FLII: variants seen among roughly 807,000 people sequenced by gnomAD.
FLII encodes the protein FLII actin remodeling protein.
A neutral mutation model predicts 156.2 loss-of-function variants in FLII; 101 were observed. The ratio of observed to expected loss-of-function variants is 0.65; its 90% CI spans 0.55 to 0.76. FLII has a LOEUF of 0.76. FLII is among the 30% of genes least tolerant of loss of function. The pLI is 0.00. For missense variants in FLII, 1,675 were observed against 1,682.8 expected (o/e 1.00, Z 0.08); for synonymous variants, 767 against 685.8 (o/e 1.12, Z -1.85).
In FLII at chr17:18,248,530, G is replaced by T; in HGVS notation, c.2190+20C>A. 1 of 1,582,920 alleles carries T rather than the reference G, an allele frequency of 6.3e-7. No homozygotes were observed. Among genetic ancestry groups the T allele is most frequent in the Non-Finnish European group, 8.6e-7 (1 of 1,162,048 alleles). ...GGGTGAACTTGGGAGGCCAAGGTGG[G>T]CCTCAGCAGCAGGGCTCACCTTGTA... On this transcript the variant is annotated intron_variant, in intron 18 of 29. Transcript: ENST00000327031.
rs2048496871 is a variant in FLII at position 18,258,488 on chromosome 17, G to A, written c.63+140C>T. On this transcript the variant is annotated intron_variant, in intron 1 of 29. Transcript: ENST00000327031. This position sits in a 1 kb window ranked among gnomAD's most constrained non-coding sequence, Gnocchi z 4.2. The stretch of plus-strand genomic sequence containing the variant: ...CCTCGGAGGTCCATTCCTGGCCAGG[G>A]GAGAGCCCCACCCCGCCCCGGCCGC... 6.6e-7 allele frequency: 1 copy of A among 1,506,504 alleles called. No individual in the cohort carries two copies. Among genetic ancestry groups the A allele is most frequent in the Non-Finnish European group, 8.8e-7 (1 of 1,134,154 alleles). The allele number at this position is 1,506,504 out of a possible 1,614,324, so 93.3% of individuals were successfully genotyped here.
rs770086887 is a variant in FLII at position 18,249,174 on chromosome 17, G to T, written c.1887C>A (p.Asn629Lys). Reference protein sequence around the residue: ...TRMYRVYGKKNIKLEPVPLKG... With the variant: ...TRMYRVYGKKKIKLEPVPLKG... Reference sequence around the variant, plus strand: ...TGAGGGGCACAGGCTCCAACTTGATGTTCTTTTTCCCATACACACGATACA... The same window carrying T: ...TGAGGGGCACAGGCTCCAACTTGATTTTCTTTTTCCCATACACACGATACA... The change falls in exon 16 of 30, where the codon AAC (asparagine) becomes AAA (lysine). Residue 629 changes from asparagine (N) to lysine (K), a missense_variant. By Grantham distance (94) the Asn-to-Lys change is moderately conservative. This residue lies in a region of FLII where 1,332 missense variants were observed against 1,269.3 expected (regional missense o/e 1.05). Transcript: ENST00000327031. 1 of 1,614,198 alleles carries T rather than the reference G, an allele frequency of 6.2e-7. No individual in the cohort carries two copies. Among genetic ancestry groups the T allele is most frequent in the Non-Finnish European group, 8.5e-7 (1 of 1,180,038 alleles).
At chr17:18,246,092 G>A (rs374964844) in intron 25 of FLII, 30 bp from the exon 26 acceptor site, 118 of 1,614,052 alleles carry the variant, frequency 7.3e-5, no homozygotes, top group Admixed American at 7.0e-4. Flanking sequence ...GGGGGTGTTC[G>A]CAGCTGACTC....
chr17:18,257,012 T>TCATCCCTG lies in FLII; in HGVS notation c.70_71insCAGGGATG (p.Tyr24SerfsTer12), dbSNP rs1208685311. 1 of 1,603,434 alleles carries TCATCCCTG rather than the reference T, an allele frequency of 6.2e-7. No homozygotes were observed. The highest frequency in any genetic ancestry group is 8.5e-7 in the Non-Finnish European group (1 of 1,174,464). ...CATGGCCTTGACATTCTCAGGGAAG[T>TCATCCCTG]AGCCGCCCTGGGGGAAGGATGTCAA... On this transcript the variant is annotated frameshift_variant, in exon 2 of 30. Transcript: ENST00000327031. LOFTEE classifies it high-confidence loss of function.
At position 18,256,889 on chromosome 17, in the gene FLII, G is replaced by A. The variant is rs1160111760; in HGVS notation, c.174+20C>T. ...GGCTCATCCACAGGGACCCTCCCCT[G>A]CCCGCCCAAACCCCCTTACCAGCTT... is the stretch of plus-strand genomic sequence containing the variant. On this transcript the variant is annotated intron_variant, in intron 2 of 29. Transcript: ENST00000327031. 1.9e-6 allele frequency: 3 copies of A among 1,544,726 alleles called. No individual in the cohort carries two copies. Among genetic ancestry groups the A allele is most frequent in the African/African-American group, 1.4e-5 (1 of 73,594 alleles).
In FLII at chr17:18,258,637, G is replaced by A; in HGVS notation, c.54C>T (p.Asn18=). The change falls in exon 1 of 30, where the codon AAC becomes AAT. Residue 18 remains asparagine, a synonymous_variant. Transcript: ENST00000327031. The surrounding 1 kb of genome is among the most constrained non-coding windows in gnomAD (Gnocchi z 4.2). ...PFVRGVDLSG[N]DFKGGYFPEN... The stretch of plus-strand genomic sequence containing the variant: ...GCCCGGCCCGGCTCACCTTGAAGTC[G>A]TTGCCGCTGAGGTCCACGCCACGCA... The A allele has an allele frequency of 6.4e-7, 1 of 1,559,612 alleles. No individual in the cohort carries two copies. The highest frequency in any genetic ancestry group is 8.6e-7 in the Non-Finnish European group (1 of 1,162,740).
At chr17:18,257,573 G>A (rs766282323) in intron 1 of FLII, among the ~76,000 whole-genome samples, 4 of 152,240 alleles carry the variant, frequency 2.6e-5, no homozygotes, top group Non-Finnish European at 5.9e-5. Context: ...GTGGCACCAA[G>A]TCTGGGGCAG....
At position 18,247,094 on chromosome 17, in the gene FLII, G is replaced by A. The variant is rs758829556; in HGVS notation, c.2677-42C>T. 11 of 1,595,006 alleles carry A rather than the reference G, an allele frequency of 6.9e-6. No individual in the cohort carries two copies. The South Asian group carries it at 1.1e-4, about 16-fold the overall frequency. ...CCCGCCCCGCGGCAGGTCTGAGCGC[G>A]CTCTGCGCATAGGCCCCGCCCTCGG... On this transcript the variant is annotated intron_variant, in intron 21 of 29. Coordinates refer to ENST00000327031, the MANE Select transcript of FLII (RefSeq NM_002018.4).
chr17:18,253,477 G>A lies in FLII; in HGVS notation c.856-19C>T, dbSNP rs1164038380. ...TGGCTGACTGGAGGGGGAACGGGCA[G>A]GGGTGGGAGGTCAGGGCCAGGCTCA... On this transcript the variant is annotated intron_variant, in intron 8 of 29. Transcript: ENST00000327031. The A allele has an allele frequency of 6.2e-7, 1 of 1,613,790 alleles. No homozygotes were observed. Among genetic ancestry groups the A allele is most frequent in the Admixed American group, 1.7e-5 (1 of 60,028 alleles).
intron 20 of FLII, 138 bp downstream of exon 20, chr17:18,247,519 G>A: frequency 1.9e-6 from 2 of 1,045,886 alleles, no homozygotes; most frequent in South Asian, 1.6e-5. Flanking sequence ...CTTGCAGAGG[G>A]GGCGGGGCCT....
intron 3 of FLII, 108 bp from the exon 4 acceptor site, chr17:18,255,371 G>C (rs1286611518): frequency 2.4e-6 from 2 of 822,102 alleles, no homozygotes; most frequent in Non-Finnish European, 4.0e-6. Context: ...CCAGGCCTGA[G>C]GACTCTCTCA....
Position 18,246,661 on chromosome 17 carries a change from A to AT in FLII, c.2983dup (p.Met995AsnfsTer99). 3.1e-6 allele frequency: 5 copies of AT among 1,613,870 alleles called. No homozygotes were observed. Among genetic ancestry groups the AT allele is most frequent in the Non-Finnish European group, 4.2e-6 (5 of 1,179,896 alleles). ...GCTGAAGGTGAAGGTGAGCCAGCCCATATTGGAGGCTTCACGGCCCTGCCA... is the reference window on the plus strand; with the variant it reads ...GCTGAAGGTGAAGGTGAGCCAGCCCATTATTGGAGGCTTCACGGCCCTGCCA... On this transcript the variant is annotated frameshift_variant, in exon 23 of 30. Transcript: ENST00000327031. LOFTEE classifies it high-confidence loss of function.
In FLII at chr17:18,246,318, G is replaced by A. The variant is rs142476596; in HGVS notation, c.3196C>T (p.Leu1066Phe). 5 of 1,613,762 alleles carry A rather than the reference G, an allele frequency of 3.1e-6. No individual in the cohort carries two copies. The highest frequency in any genetic ancestry group is 2.7e-5 in the African/African-American group (2 of 74,938). Residue 1066 changes from leucine (L) to phenylalanine (F), a missense_variant, in exon 24 of 30, where the codon CTC becomes TTC. Coordinates refer to ENST00000327031, the MANE Select transcript of FLII (RefSeq NM_002018.4). ...CCCCCAGCCAGGCACCGGGTGCAGA[G>A]GGCGCTGCCGTTGGTGCGGATCTGG... is the stretch of plus-strand genomic sequence containing the variant. ...LYQIRTNGSA[L>F]CTRCIQINTD... is the part of the protein sequence containing the mutation.
rs879005480 is a variant in FLII at position 18,254,867 on chromosome 17, G to T, written c.328-13C>A. Reference sequence around the variant, plus strand: ...TGTGGCTCAAGTCCTGGGTAGAAGGGGCAAGACCCAGGTCAGGGGAGTCTC... The same window carrying T: ...TGTGGCTCAAGTCCTGGGTAGAAGGTGCAAGACCCAGGTCAGGGGAGTCTC... On this transcript the variant is annotated splice_polypyrimidine_tract_variant and intron_variant, in intron 4 of 29. Transcript: ENST00000327031. 1.2e-6 allele frequency: 2 copies of T among 1,613,682 alleles called. No homozygotes were observed. Among genetic ancestry groups the T allele is most frequent in the South Asian group, 2.2e-5 (2 of 91,070 alleles).
chr17:18,246,548 C>T, intron 23 of FLII, 46 bp downstream of exon 23: 1 of 1,612,242 alleles, frequency 6.2e-7, no homozygotes, highest in East Asian at 2.2e-5. Flanking sequence ...TGAGCCCCAC[C>T]ACACCCCTCC....
chr17:18,251,410 C>A lies in FLII; in HGVS notation c.1451G>T (p.Arg484Leu). 6.2e-7 allele frequency: 1 copy of A among 1,613,204 alleles called. No homozygotes were observed. Among genetic ancestry groups the A allele is most frequent in the Non-Finnish European group, 8.5e-7 (1 of 1,179,922 alleles). ...RRWDQGLEKP[R>L]LDYSEFFTED... ...CGTGAAGAACTCGGAGTAGTCAAGGCGGGGCTTCTCCAGGCCCTGGTCCCA... is the reference window on the plus strand; with the variant it reads ...CGTGAAGAACTCGGAGTAGTCAAGGAGGGGCTTCTCCAGGCCCTGGTCCCA... Residue 484 changes from arginine to leucine, a missense_variant, in exon 13 of 30, where the codon CGC (arginine) becomes CTC (leucine). By Grantham distance (102) the Arg-to-Leu change is moderately radical (BLOSUM62 -2). Coordinates refer to ENST00000327031, the MANE Select transcript of FLII (RefSeq NM_002018.4).
rs2048106699 is a variant in FLII, at chr17:18,247,287, A to G, written c.2558T>C (p.Val853Ala). The G allele has an allele frequency of 6.2e-7, 1 of 1,612,300 alleles. No homozygotes were observed. The highest frequency in any genetic ancestry group is 1.3e-5 in the African/African-American group (1 of 74,648). Residue 853 changes from valine to alanine, a missense_variant, in exon 21 of 30, where the codon GTG becomes GCG. Val to Ala is a moderately conservative substitution (Grantham distance 64, BLOSUM62 0). Transcript: ENST00000327031. ...CCCGGAGAGACCCGGGCTCTGCAGCACGGCCTCCGCATTGCGTGTGTAGTC... is the reference window on the plus strand; with the variant it reads ...CCCGGAGAGACCCGGGCTCTGCAGCGCGGCCTCCGCATTGCGTGTGTAGTC... ...TVDYTRNAEA[V>A]LQSPGLSGKV...
rs1433789163 is a variant in FLII at position 18,254,059 on chromosome 17, G to A, written c.679+20C>T. On this transcript the variant is annotated intron_variant, in intron 7 of 29. Transcript: ENST00000327031. ...CCCAGAGGGGGCCCGAGCTCAGAGG[G>A]GCTCCTGGGGCTGCCTGACCTGCGA... 2.5e-6 allele frequency: 4 copies of A among 1,588,630 alleles called. No homozygotes were observed. Among genetic ancestry groups the A allele is most frequent in the Non-Finnish European group, 1.7e-6 (2 of 1,162,300 alleles).
chr17:18,254,727 C>T (rs368640468), intron 5 of FLII, 42 bp downstream of exon 5: 2 of 1,613,678 alleles, frequency 1.2e-6, no homozygotes, highest in African/African-American at 2.7e-5. Flanking sequence ...ACCAGCCACC[C>T]CACAGGGCCC....
Sources: gnomAD v4.1 joint callset for allele counts (sites outside exome capture counted in the v4.1 genomes callset) on GRCh38, gnomAD v4.1.1 for gene constraint, gnomAD v4.1.1 regional missense constraint, Gnocchi (gnomAD v3.1) non-coding constraint, MANE v1.5 for transcripts, NCBI Gene and HGNC (gene_info 2026-07-23, HGNC 2026-07-21) for gene names.